The following CCDC91 variants were observed in gnomAD, a reference collection of about 807,000 sequenced individuals.
CCDC91 encodes the protein coiled-coil domain-containing protein 91.
In CCDC91, 48 loss-of-function variants were observed where a neutral mutation model predicts 63.2. That is an observed-to-expected ratio of 0.76 (90% confidence interval 0.60 to 0.97). CCDC91 has a LOEUF of 0.97. CCDC91 is among the 50% of genes least tolerant of loss of function. CCDC91 has a pLI of 0.00. For missense variants in CCDC91, 500 were observed against 494.6 expected (o/e 1.01, Z -0.10); for synonymous variants, 167 against 165.8 (o/e 1.01, Z -0.06).
At chr12:28,203,079 C>T (rs1942585617) in intron 1 of CCDC91, among the ~76,000 whole-genome samples, 1 of 152,106 alleles carries the variant, frequency 6.6e-6, no homozygotes, top group African/African-American at 2.4e-5. Flanking sequence ...CCTATTTTGC[C>T]CCTCCTGGTG....
chr12:28,230,340 G>A (rs1944509268), intron 1 of CCDC91, among the ~76,000 whole-genome samples: 1 of 152,106 alleles, frequency 6.6e-6, no homozygotes, highest in Non-Finnish European at 1.5e-5. Flanking sequence ...TAAAAGCTTT[G>A]ATAACTTTGG....
At chr12:28,216,290 G>A (rs1339888299) in intron 1 of CCDC91, among the ~76,000 whole-genome samples, 6 of 151,956 alleles carry the variant, frequency 3.9e-5, no homozygotes, top group Non-Finnish European at 7.4e-5. Context: ...TGTTTCTCAC[G>A]TTGGATTATA....
At chr12:28,277,520 G>A (rs1387467100) in intron 3 of CCDC91, among the ~76,000 whole-genome samples, 3 of 152,024 alleles carry the variant, frequency 2.0e-5, no homozygotes, top group African/African-American at 4.8e-5. Context: ...ACATGATGCT[G>A]AAAGCAAATG....
At chr12:28,297,047 T>C (rs1440928466) in intron 3 of CCDC91, among the ~76,000 whole-genome samples, 2 of 151,880 alleles carry the variant, frequency 1.3e-5, no homozygotes, top group Non-Finnish European at 2.9e-5. Flanking sequence ...AGGACCTGCA[T>C]TGGATAATAG....
chr12:28,427,254 G>A (rs552645892), intron 8 of CCDC91, among the ~76,000 whole-genome samples: 15 of 152,182 alleles, frequency 9.9e-5, no homozygotes, highest in East Asian at 3.9e-4. Flanking sequence ...GCTAGAGCGC[G>A]CTGGAATCTT....
chr12:28,503,941 G>A (rs1306724240), intron 12 of CCDC91, among the ~76,000 whole-genome samples: 3 of 151,904 alleles, frequency 2.0e-5, no homozygotes, highest in East Asian at 1.9e-4. Flanking sequence ...GTTGTGGGGT[G>A]GGGGAAGGGG....
At chr12:28,521,928 T>G (rs970257958) in intron 12 of CCDC91, among the ~76,000 whole-genome samples, 8 of 152,190 alleles carry the variant, frequency 5.3e-5, no homozygotes, top group African/African-American at 1.9e-4. Flanking sequence ...GAAGCCAACT[T>G]GATCATGGTG....
At chr12:28,511,829 A>C (rs1939410894) in intron 12 of CCDC91, among the ~76,000 whole-genome samples, 1 of 151,784 alleles carries the variant, frequency 6.6e-6, no homozygotes, top group South Asian at 2.1e-4. Flanking sequence ...TTCTGTTTCC[A>C]CCATAACCGG....
intron 11 of CCDC91, among the ~76,000 whole-genome samples, chr12:28,482,295 T>C (rs971422793): frequency 6.6e-6 from 1 of 151,964 alleles, no homozygotes; most frequent in Non-Finnish European, 1.5e-5. Flanking sequence ...CTTATGTTTT[T>C]CTTTTATAAA....
intron 6 of CCDC91, among the ~76,000 whole-genome samples, chr12:28,335,907 T>A (rs1207775037): frequency 3.3e-5 from 5 of 151,770 alleles, no homozygotes; most frequent in African/African-American, 1.2e-4. Flanking sequence ...ATGTAGACAG[T>A]GTTGCATCAT....
intron 6 of CCDC91, among the ~76,000 whole-genome samples, chr12:28,348,446 C>T (rs1942963746): frequency 6.6e-6 from 1 of 152,198 alleles, no homozygotes; most frequent in Non-Finnish European, 1.5e-5. Flanking sequence ...AGGCAGCACA[C>T]AGGGATATCT....
chr12:28,278,560 A>G (rs544021010), intron 3 of CCDC91, among the ~76,000 whole-genome samples: 103 of 152,248 alleles, frequency 6.8e-4, no homozygotes, highest in Admixed American at 2.1e-3. Context: ...AGCATAAGCC[A>G]GATAACTACC....
chr12:28,474,646 T>TA (rs1950989341), intron 11 of CCDC91, among the ~76,000 whole-genome samples: 1 of 152,106 alleles, frequency 6.6e-6, no homozygotes, highest in Non-Finnish European at 1.5e-5. Flanking sequence ...ATCTATGTGT[T>TA]AGATTTTGCA....
chr12:28,209,752 C>T (rs1229611806), intron 1 of CCDC91, among the ~76,000 whole-genome samples: 1 of 152,186 alleles, frequency 6.6e-6, no homozygotes, highest in Admixed American at 6.5e-5. Flanking sequence ...ATAACACTTT[C>T]ACAACTTGTT....
chr12:28,420,102 A>G (rs147613362), intron 8 of CCDC91, among the ~76,000 whole-genome samples: 2,478 of 152,224 alleles, frequency 0.016, 27 homozygotes, highest in South Asian at 0.029. Flanking sequence ...AGTAGAGGTG[A>G]TAATCAGTTA....
intron 1 of CCDC91, among the ~76,000 whole-genome samples, chr12:28,227,057 A>G (rs1944314006): frequency 6.6e-6 from 1 of 152,138 alleles, no homozygotes; most frequent in Non-Finnish European, 1.5e-5. Flanking sequence ...GTGAAGTGCC[A>G]TTTTTATCAC....
intron 3 of CCDC91, among the ~76,000 whole-genome samples, chr12:28,304,212 A>G (rs1938396602): frequency 1.3e-5 from 2 of 151,412 alleles, no homozygotes; most frequent in South Asian, 4.2e-4. Flanking sequence ...CCCCATCTCT[A>G]CTAAAAATAC....
intron 6 of CCDC91, among the ~76,000 whole-genome samples, chr12:28,335,036 A>G (rs1191401429): frequency 6.8e-6 from 1 of 146,580 alleles, no homozygotes; most frequent in East Asian, 2.0e-4. Context: ...AATATATAAA[A>G]TATTTAATAT....
chr12:28,286,517 C>A (rs1046436408), intron 3 of CCDC91, among the ~76,000 whole-genome samples: 1 of 152,182 alleles, frequency 6.6e-6, no homozygotes, highest in Non-Finnish European at 1.5e-5. Flanking sequence ...TAGCTCCATC[C>A]ATGTTCCTGC....
Sources: gnomAD v4.1 joint callset for allele counts (sites outside exome capture counted in the v4.1 genomes callset) on GRCh38, gnomAD v4.1.1 for gene constraint, MANE v1.5 for transcripts, NCBI Gene and HGNC (gene_info 2026-07-23, HGNC 2026-07-21) for gene names.